Variants in KCNJ1 observed in about 807,000 individuals in gnomAD.
KCNJ1 encodes the protein potassium inwardly rectifying channel subfamily J member 1.
KCNJ1 carries 24 observed loss-of-function variants against 21.9 expected under a neutral mutation model. That is an observed-to-expected ratio of 1.10 (90% CI 0.79 to 1.54). The LOEUF is 1.54. Among genes scored for constraint, KCNJ1 ranks in the 40% most tolerant of loss-of-function variants. The probability of loss-of-function intolerance (pLI) is 0.00; values close to 1 mark genes in which losing one functional copy is unlikely to be tolerated. For synonymous variants in KCNJ1, 152 were observed against 160.9 expected (o/e 0.94, Z 0.42); for missense variants, 457 against 455.4 (o/e 1.00, Z -0.03).
Position 128,839,357 on chromosome 11 carries a change from A to C in KCNJ1, c.887T>G (p.Val296Gly), listed in dbSNP as rs753949204. ...GTAGCCCCAAAGCACCTCCTCTGGG[A>C]CATAGGATGTCCGGACTTGGCAGGT... Reference protein sequence around the residue: ...SATCQVRTSYVPEEVLWGYRF... With the variant: ...SATCQVRTSYGPEEVLWGYRF... The change falls in exon 3 of 3, where the codon GTC becomes GGC. Residue 296 changes from valine to glycine, a missense_variant. Transcript: ENST00000392666. 8 of 1,614,036 alleles carry C rather than the reference A, an allele frequency of 5.0e-6. No homozygotes were observed. Among genetic ancestry groups the C allele is most frequent in the Non-Finnish European group, 6.8e-6 (8 of 1,180,014 alleles).
chr11:128,839,440 G>A lies in KCNJ1; in HGVS notation c.804C>T (p.Leu268=). Residue 268 remains leucine, a synonymous_variant, in exon 3 of 3, where the codon CTC becomes CTT. Transcript: ENST00000392666. ...PFFHMAAETL[L]QQDFELVVFL... ...ACACCACTAATTCAAAGTCCTGCTG[G>A]AGAAGGGTCTCCGCTGCCATGTGGA... 1.2e-6 allele frequency: 2 copies of A among 1,614,160 alleles called. No homozygotes were observed. Among genetic ancestry groups the A allele is most frequent in the Admixed American group, 1.7e-5 (1 of 60,028 alleles).
chr11:128,846,996 C>T (rs1322062976), intron 2 of KCNJ1, among the ~76,000 whole-genome samples: 1 of 152,178 alleles, frequency 6.6e-6, no homozygotes, highest in East Asian at 1.9e-4. Flanking sequence ...CACAAAATGG[C>T]CGAATATCCC....
rs546884048 is a variant in KCNJ1 at position 128,840,198 on chromosome 11, G to T, written c.46C>A (p.His16Asn). The T allele has an allele frequency of 2.5e-6, 4 of 1,614,038 alleles. No individual in the cohort carries two copies. The Admixed American group carries it at 5.0e-5, about 20-fold the overall frequency. The change falls in exon 3 of 3, where the codon CAT becomes AAT. Residue 16 changes from histidine to asparagine, a missense_variant. Coordinates refer to ENST00000392666, the MANE Select transcript of KCNJ1 (RefSeq NM_153766.3). ...RKWVVTRFFGHSRQRARLVSK... is the reference protein window; with the variant it reads ...RKWVVTRFFGNSRQRARLVSK... ...ACTAGCCTTGCTCTTTGCCGAGAAT[G>T]CCCAAAAAAGCGAGTGACGACCCAT...
At chr11:128,849,072 G>A (rs533098163) in intron 2 of KCNJ1, among the ~76,000 whole-genome samples, 209 of 152,290 alleles carry the variant, frequency 1.4e-3, no homozygotes, top group African/African-American at 4.9e-3. Flanking sequence ...GCCCCCAAAG[G>A]CCTGTAGTGT....
chr11:128,855,910 T>A (rs2847378), intron 1 of KCNJ1, among the ~76,000 whole-genome samples: 22,980 of 152,220 alleles, frequency 0.15, 1,782 homozygotes, highest in South Asian at 0.26. Flanking sequence ...AGCTCTCACC[T>A]GCCAGACCCA....
intron 1 of KCNJ1, among the ~76,000 whole-genome samples, chr11:128,854,747 C>A (rs148182134): frequency 2.2e-3 from 333 of 152,370 alleles, no homozygotes; most frequent in African/African-American, 7.4e-3. Flanking sequence ...ATGTCCCCAA[C>A]CACCACCTCT....
chr11:128,854,151 C>A (rs1268898629), intron 1 of KCNJ1, among the ~76,000 whole-genome samples: 1 of 151,980 alleles, frequency 6.6e-6, no homozygotes, highest in Non-Finnish European at 1.5e-5. Context: ...CCTCCCAGTG[C>A]CAGAGGGCAG....
intron 1 of KCNJ1, among the ~76,000 whole-genome samples, chr11:128,856,539 T>C (rs917170335): frequency 5.9e-5 from 9 of 152,250 alleles, no homozygotes; most frequent in African/African-American, 2.2e-4. Context: ...ACAGCACATC[T>C]GGGCATAGGC....
intron 1 of KCNJ1, among the ~76,000 whole-genome samples, chr11:128,854,681 G>A (rs1943551158): frequency 6.6e-6 from 1 of 152,026 alleles, no homozygotes; most frequent in Non-Finnish European, 1.5e-5. Context: ...CAAAGGCAGG[G>A]CTGGATGTTC....
chr11:128,857,377 G>A (rs1233359839), intron 1 of KCNJ1, among the ~76,000 whole-genome samples: 1 of 152,104 alleles, frequency 6.6e-6, no homozygotes, highest in Non-Finnish European at 1.5e-5. Context: ...TTCACTTATT[G>A]TCGATCTCCC....
In KCNJ1 at chr11:128,839,579, G is replaced by A. The variant is rs1293881080; in HGVS notation, c.665C>T (p.Thr222Ile). The stretch of plus-strand genomic sequence containing the variant: ...GATATTGATCTGGTCCAAAATAATG[G>A]TCTCTCCTTCAGGAGTGACTGTGGT... ...LKTTVTPEGE[T>I]IILDQININF... The change falls in exon 3 of 3, where the codon ACC (threonine) becomes ATC (isoleucine). Residue 222 changes from threonine (T) to isoleucine (I), a missense_variant. Coordinates refer to ENST00000392666, the MANE Select transcript of KCNJ1 (RefSeq NM_153766.3). 6.2e-7 allele frequency: 1 copy of A among 1,613,952 alleles called. No homozygotes were observed.
intron 1 of KCNJ1, among the ~76,000 whole-genome samples, chr11:128,853,979 C>A (rs1943529536): frequency 6.6e-6 from 1 of 152,242 alleles, no homozygotes; most frequent in Non-Finnish European, 1.5e-5. Context: ...AGAAGCTCTT[C>A]CCTGCTGCTG....
intron 1 of KCNJ1, among the ~76,000 whole-genome samples, chr11:128,856,967 T>C (rs1187426703): frequency 6.6e-6 from 1 of 152,160 alleles, no homozygotes; most frequent in Admixed American, 6.5e-5. Flanking sequence ...TGCTGCTGCC[T>C]TGCTGAGACC....
chr11:128,839,295 T>C lies in KCNJ1; in HGVS notation c.949A>G (p.Lys317Glu), dbSNP rs771398694. Residue 317 changes from lysine to glutamate, a missense_variant, in exon 3 of 3, where the codon AAA becomes GAA. By Grantham distance (56) the Lys-to-Glu change is moderately conservative. Coordinates refer to ENST00000392666, the MANE Select transcript of KCNJ1 (RefSeq NM_153766.3). Reference protein sequence around the residue: ...APIVSKTKEGKYRVDFHNFSK... With the variant: ...APIVSKTKEGEYRVDFHNFSK... ...AAGTTATGGAAATCCACTCGGTATT[T>C]CCCTTCCTTTGTCTTGGATACTATG... 6.8e-6 allele frequency: 11 copies of C among 1,614,142 alleles called. No homozygotes were observed. Among genetic ancestry groups the C allele is most frequent in the Non-Finnish European group, 9.3e-6 (11 of 1,180,032 alleles).
chr11:128,866,949 C>T (rs745413249), intron 1 of KCNJ1, among the ~76,000 whole-genome samples: 5 of 152,090 alleles, frequency 3.3e-5, no homozygotes, highest in African/African-American at 7.2e-5. Context: ...CCCAGGGCTG[C>T]GGAGTGACCC....
chr11:128,846,958 A>G (rs1329526401), intron 2 of KCNJ1, among the ~76,000 whole-genome samples: 2 of 152,180 alleles, frequency 1.3e-5, no homozygotes, highest in Non-Finnish European at 2.9e-5. Flanking sequence ...ATGTCTGAAC[A>G]CCAACAAAAC....
chr11:128,861,046 C>T (rs1943697883), intron 1 of KCNJ1, among the ~76,000 whole-genome samples: 1 of 152,242 alleles, frequency 6.6e-6, no homozygotes, highest in Non-Finnish European at 1.5e-5. Context: ...GCCTTCTCTC[C>T]ATCCCCAGGC....
intron 1 of KCNJ1, among the ~76,000 whole-genome samples, chr11:128,851,967 C>A (rs530408392): frequency 1.3e-3 from 191 of 152,330 alleles, no homozygotes; most frequent in Middle Eastern, 3.4e-3. Context: ...TAGGCCCACA[C>A]CTTAGCGTGT....
chr11:128,858,511 T>C (rs1244740408), intron 1 of KCNJ1, among the ~76,000 whole-genome samples: 1 of 152,122 alleles, frequency 6.6e-6, no homozygotes, highest in Non-Finnish European at 1.5e-5. Context: ...TTCAGAGTTA[T>C]TTGAAGGTGA....
Sources: gnomAD v4.1 joint callset for allele counts (sites outside exome capture counted in the v4.1 genomes callset) on GRCh38, gnomAD v4.1.1 for gene constraint, MANE v1.5 for transcripts, NCBI Gene and HGNC (gene_info 2026-07-23, HGNC 2026-07-21) for gene names.